The following SORD variants were observed in gnomAD, a reference collection of about 807,000 sequenced individuals.
The protein encoded by SORD is sorbitol dehydrogenase.
In SORD, 18 loss-of-function variants were observed where a neutral mutation model predicts 35.6. That is an observed-to-expected ratio of 0.51 (90% confidence interval 0.35 to 0.75). The LOEUF (loss-of-function observed/expected upper bound fraction) is 0.75, where lower values mean the gene tolerates loss of function less well. SORD is among the 30% of genes least tolerant of loss of function. The probability of loss-of-function intolerance (pLI) is 0.01; values close to 1 mark genes in which losing one functional copy is unlikely to be tolerated. For missense variants in SORD, 250 were observed against 390.2 expected, an observed-to-expected ratio of 0.64 and a Z score of 3.03; for synonymous variants, 106 against 152.9, an observed-to-expected ratio of 0.69 and a Z score of 2.26.
At chr15:45,060,959 C>A in intron 3 of SORD, 108 bp from the exon 4 acceptor site, 1 of 1,548,174 alleles carries the variant, frequency 6.5e-7, no homozygotes, top group Non-Finnish European at 8.7e-7. Context: ...TTCATAACAT[C>A]TCTGCTTCTG....
intron 3 of SORD, chr15:45,060,862 G>A: frequency 1.7e-6 from 2 of 1,146,558 alleles, no homozygotes; most frequent in South Asian, 3.1e-5. Flanking sequence ...TTCCTCACTT[G>A]CCTAGGACAC....
chr15:45,062,438 C>A (rs1279720316), intron 4 of SORD, among the ~76,000 whole-genome samples: 2 of 152,136 alleles, frequency 1.3e-5, no homozygotes, highest in African/African-American at 4.8e-5. Flanking sequence ...TGACCCAACC[C>A]AGATGCATTC....
At position 45,023,347 on chromosome 15, in the gene SORD, C is replaced by T. The variant is rs1352610271; in HGVS notation, c.64C>T (p.Leu22=). 1.3e-6 allele frequency: 2 copies of T among 1,574,400 alleles called. No individual in the cohort carries two copies. The highest frequency in any genetic ancestry group is 1.2e-5 in the South Asian group (1 of 85,418). ...LVVHGPGDLR[L]ENYPIPEPGP... ...GGTGCACGGACCGGGGGACTTGCGC[C>T]TGGTAAGCTGGGAAGGAGGGTGGGA... The change falls in exon 1 of 9, where the codon CTG becomes TTG. Residue 22 remains leucine (L), a splice_region_variant and synonymous_variant. Coordinates refer to ENST00000267814, the MANE Select transcript of SORD (RefSeq NM_003104.6).
chr15:45,071,008 C>G (rs1451774902), intron 7 of SORD, among the ~76,000 whole-genome samples: 1 of 152,222 alleles, frequency 6.6e-6, no homozygotes, highest in South Asian at 2.1e-4. Flanking sequence ...TAGGCCACCC[C>G]GCCAATGAGC....
intron 3 of SORD, chr15:45,058,789 G>T (rs1566962816): frequency 6.6e-6 from 1 of 152,236 alleles, no homozygotes; most frequent in African/African-American, 2.4e-5. Context: ...GTTTTTATAA[G>T]AAACTTCCCT....
At chr15:45,026,557 CA>C (rs1020189835) in intron 1 of SORD, among the ~76,000 whole-genome samples, 3 of 148,498 alleles carry the variant, frequency 2.0e-5, no homozygotes, top group African/African-American at 2.6e-5. Flanking sequence ...TTTAGGTATA[CA>C]GGGGGGCAGG....
intron 3 of SORD, chr15:45,047,358 G>C (rs999101600): frequency 6.6e-6 from 1 of 151,944 alleles, no homozygotes; most frequent in Non-Finnish European, 1.5e-5. Flanking sequence ...GCCTCAGCAG[G>C]CCTCACCAGG....
intron 2 of SORD, among the ~76,000 whole-genome samples, chr15:45,040,768 G>T (rs1892954060): frequency 6.6e-6 from 1 of 152,182 alleles, no homozygotes; most frequent in Admixed American, 6.5e-5. Flanking sequence ...CCTAATGACA[G>T]TGTACCCTAT....
At position 45,038,136 on chromosome 15, in the gene SORD, C is replaced by CTTCTTTCCTTCCTTCT. The variant is rs201313676; in HGVS notation, c.67-2269_67-2268insTTTCCTTCCTTCTTTC. ...CTTCCCTCGCATCCTCCCTTCCTTC[C>CTTCTTTCCTTCCTTCT]TTCCTTCCTTCCTTCCTTCCTTCCT... On this transcript the variant is annotated intron_variant, in intron 1 of 8. Coordinates refer to ENST00000267814, the MANE Select transcript of SORD (RefSeq NM_003104.6). Among the ~76,000 whole-genome samples, 169 of 76,536 alleles carry CTTCTTTCCTTCCTTCT rather than the reference C, an allele frequency of 2.2e-3. 2 individuals carry two copies. The highest frequency in any genetic ancestry group is 0.016 in the East Asian group (62 of 3,982). The allele number at this position is 76,536 out of a possible 152,430, so 50.2% of individuals were successfully genotyped here. A position where few individuals can be genotyped will look rare whatever the true frequency, so the allele number is the denominator to read the frequency against.
intron 3 of SORD, among the ~76,000 whole-genome samples, chr15:45,045,487 T>C (rs1267810503): frequency 2.9e-5 from 4 of 136,752 alleles, no homozygotes; most frequent in South Asian, 2.2e-4. Flanking sequence ...GAGCTGAGAT[T>C]GTGCCACTGC....
chr15:45,030,118 T>C (rs965583610), intron 1 of SORD, among the ~76,000 whole-genome samples: 24 of 152,250 alleles, frequency 1.6e-4, no homozygotes, highest in African/African-American at 5.5e-4. Context: ...ATTTAACTTG[T>C]AGCTTGGCTT....
chr15:45,049,685 T>G (rs1198389987), intron 3 of SORD, among the ~76,000 whole-genome samples: 2 of 152,182 alleles, frequency 1.3e-5, no homozygotes, highest in African/African-American at 4.8e-5. Context: ...CTGGCAGGAT[T>G]TGCAGGATAA....
At chr15:45,059,564 T>A (rs558846434) in intron 3 of SORD, among the ~76,000 whole-genome samples, 22 of 152,318 alleles carry the variant, frequency 1.4e-4, no homozygotes, top group Non-Finnish European at 2.5e-4. Context: ...TGTGATCATG[T>A]CTCTCTGCAG....
intron 7 of SORD, chr15:45,070,220 G>A (rs1226210510): frequency 2.0e-5 from 3 of 152,150 alleles, no homozygotes; most frequent in Non-Finnish European, 2.9e-5. Context: ...AGGAGGGCAC[G>A]AACAACCATG....
chr15:45,052,892 A>G (rs1893149802), intron 3 of SORD, among the ~76,000 whole-genome samples: 1 of 152,190 alleles, frequency 6.6e-6, no homozygotes, highest in African/African-American at 2.4e-5. Context: ...GAATTATCCA[A>G]TGAGGAGAGG....
chr15:45,029,097 G>A (rs200973476), intron 1 of SORD, among the ~76,000 whole-genome samples: 31,258 of 150,906 alleles, frequency 0.21, no homozygotes, highest in African/African-American at 0.44. Flanking sequence ...AAGAGAATGT[G>A]AAAATCCTCC....
At chr15:45,069,774 T>C (rs1226740066) in intron 7 of SORD, 1 of 152,252 alleles carries the variant, frequency 6.6e-6, no homozygotes, top group East Asian at 1.9e-4. Context: ...TAGTCACTTA[T>C]ATAAAATAAC....
At chr15:45,065,726 T>C (rs1312159702) in intron 5 of SORD, among the ~76,000 whole-genome samples, 1 of 152,092 alleles carries the variant, frequency 6.6e-6, no homozygotes, top group East Asian at 1.9e-4. Context: ...TTGAGACCAG[T>C]CTGGGCAACA....
intron 3 of SORD, among the ~76,000 whole-genome samples, chr15:45,053,648 TTTA>T (rs1460261413): frequency 6.6e-6 from 1 of 152,026 alleles, no homozygotes. Flanking sequence ...TTTATTTTAT[TTTA>T]TTATTATTAT....
Sources: allele counts gnomAD v4.1 joint callset (sites outside exome capture counted in the v4.1 genomes callset), GRCh38; gene constraint gnomAD v4.1.1; transcripts MANE v1.5; gene names NCBI Gene and HGNC (gene_info 2026-07-23, HGNC 2026-07-21).